The following KCNJ3 variants were observed in gnomAD, a reference collection of about 807,000 sequenced individuals.
KCNJ3 encodes potassium inwardly rectifying channel subfamily J member 3, also known as G protein-activated inward rectifier potassium channel 1.
A neutral mutation model predicts 39.2 loss-of-function variants in KCNJ3; 4 were observed. The observed-to-expected ratio is 0.10, with a 90% CI of 0.05 to 0.23. KCNJ3 has a LOEUF of 0.23. KCNJ3 is among the 10% of genes least tolerant of loss of function. The pLI is 1.00. For synonymous variants in KCNJ3, 230 were observed against 237.4 expected (o/e 0.97, Z 0.29); for missense variants, 276 against 634.9 (o/e 0.43, Z 6.08).
chr2:154,789,199 T>C (rs1686585277), intron 2 of KCNJ3, among the ~76,000 whole-genome samples: 1 of 152,082 alleles, frequency 6.6e-6, no homozygotes, highest in Non-Finnish European at 1.5e-5. Context: ...TTAGATTTTT[T>C]AATCAACAAA....
chr2:154,761,904 A>G (rs1400435174), intron 2 of KCNJ3, among the ~76,000 whole-genome samples: 1 of 152,206 alleles, frequency 6.6e-6, no homozygotes, highest in Non-Finnish European at 1.5e-5. Context: ...GAGACTTTGC[A>G]GATGTGGTTA....
intron 2 of KCNJ3, among the ~76,000 whole-genome samples, chr2:154,722,258 G>A (rs994776647): frequency 6.6e-6 from 1 of 152,050 alleles, no homozygotes; most frequent in African/African-American, 2.4e-5. Context: ...TGGTGAATAA[G>A]AAAGTCTAAG....
In KCNJ3 at chr2:154,856,997, T is replaced by C; in HGVS notation, c.*1684T>C. The C allele has an allele frequency of 6.6e-6, 1 of 152,208 alleles. No individual in the cohort carries two copies. The highest frequency in any genetic ancestry group is 1.9e-4 in the East Asian group (1 of 5,202). The allele number at this position is 152,208 out of a possible 1,614,324, so 9.4% of individuals were successfully genotyped here. On this transcript the variant is annotated 3_prime_UTR_variant, in exon 3 of 3. Coordinates refer to ENST00000295101, the MANE Select transcript of KCNJ3 (RefSeq NM_002239.4). The stretch of plus-strand genomic sequence containing the variant: ...TTTTTTAACAATTTTGTGATAATTT[T>C]ATTATTGGCAAATTAATACATCAAC...
chr2:154,836,808 C>T (rs1363695217), intron 2 of KCNJ3, among the ~76,000 whole-genome samples: 1 of 152,072 alleles, frequency 6.6e-6, no homozygotes, highest in East Asian at 1.9e-4. Context: ...TGCTGAATTG[C>T]AAATATTTAT....
intron 2 of KCNJ3, among the ~76,000 whole-genome samples, chr2:154,852,359 G>A (rs2105140979): frequency 6.6e-6 from 1 of 152,264 alleles, no homozygotes; most frequent in East Asian, 1.9e-4. Context: ...TGGTGCCACT[G>A]CACCGCAGCC....
chr2:154,725,289 AT>A (rs1293610818), intron 2 of KCNJ3, among the ~76,000 whole-genome samples: 3 of 136,042 alleles, frequency 2.2e-5, no homozygotes, highest in Non-Finnish European at 4.8e-5. Context: ...ACTACTTTCT[AT>A]TTTTTATATC....
chr2:154,855,143 A>C lies in KCNJ3; in HGVS notation c.1336A>C (p.Asn446His). 6.2e-7 allele frequency: 1 copy of C among 1,614,036 alleles called. No individual in the cohort carries two copies. The highest frequency in any genetic ancestry group is 1.7e-5 in the Admixed American group (1 of 59,996). ...TCAACGAATAAGTTCAGTTCCGGGC[A>C]ACTCAGAAGAAAAACTGGTATCTAA... The part of the protein sequence containing the change: ...KLQRISSVPG[N>H]SEEKLVSKTT... The change falls in exon 3 of 3, where the codon AAC becomes CAC. Residue 446 changes from asparagine (N) to histidine (H), a missense_variant. Asn to His is a moderately conservative substitution (Grantham distance 68, BLOSUM62 1). Around this residue, in one of 4 missense-constraint regions of KCNJ3, gnomAD observed 126 missense variants for 179.8 expected, o/e 0.70. Coordinates refer to ENST00000295101, the MANE Select transcript of KCNJ3 (RefSeq NM_002239.4).
At chr2:154,829,949 TA>T (rs1687336116) in intron 2 of KCNJ3, among the ~76,000 whole-genome samples, 1 of 152,172 alleles carries the variant, frequency 6.6e-6, no homozygotes, top group South Asian at 2.1e-4. Context: ...AAGTCCCAAA[TA>T]TTATTTATAA....
intron 2 of KCNJ3, among the ~76,000 whole-genome samples, chr2:154,729,159 T>G (rs1685410961): frequency 6.6e-6 from 1 of 152,140 alleles, no homozygotes; most frequent in Non-Finnish European, 1.5e-5. Flanking sequence ...ACCTTTTTAG[T>G]GAGTGCCAGA....
chr2:154,730,983 T>A (rs1685439901), intron 2 of KCNJ3, among the ~76,000 whole-genome samples: 1 of 152,302 alleles, frequency 6.6e-6, no homozygotes, highest in African/African-American at 2.4e-5. Flanking sequence ...ATAATTCATT[T>A]AGACTCTATG....
intron 2 of KCNJ3, among the ~76,000 whole-genome samples, chr2:154,845,834 G>A (rs1181093974): frequency 1.3e-5 from 2 of 152,114 alleles, no homozygotes; most frequent in Non-Finnish European, 2.9e-5. Flanking sequence ...AACTGGGCAT[G>A]TGGCATGTGC....
At chr2:154,770,569 T>A (rs2105195738) in intron 2 of KCNJ3, among the ~76,000 whole-genome samples, 1 of 152,326 alleles carries the variant, frequency 6.6e-6, no homozygotes, top group South Asian at 2.1e-4. Flanking sequence ...AAATGAGTTG[T>A]CCTCAGTCTA....
At chr2:154,802,385 G>T (rs1228917367) in intron 2 of KCNJ3, among the ~76,000 whole-genome samples, 1 of 151,920 alleles carries the variant, frequency 6.6e-6, no homozygotes, top group Non-Finnish European at 1.5e-5. Flanking sequence ...TGATATTATG[G>T]TCCCTGCCAT....
At chr2:154,799,929 A>G (rs1159683277) in intron 2 of KCNJ3, among the ~76,000 whole-genome samples, 1 of 152,174 alleles carries the variant, frequency 6.6e-6, no homozygotes, top group African/African-American at 2.4e-5. Flanking sequence ...TTAAGTGCAA[A>G]GGATAAGTAA....
chr2:154,788,754 AGTAT>A (rs1686577877), intron 2 of KCNJ3, among the ~76,000 whole-genome samples: 1 of 151,452 alleles, frequency 6.6e-6, no homozygotes, highest in East Asian at 1.9e-4. Context: ...GGAAAATATC[AGTAT>A]GTGAGTGTGA....
At chr2:154,709,021 T>C (rs1338516550) in intron 1 of KCNJ3, among the ~76,000 whole-genome samples, 1 of 152,236 alleles carries the variant, frequency 6.6e-6, no homozygotes, top group Non-Finnish European at 1.5e-5. Flanking sequence ...ATTTTTATTA[T>C]GTAAGCTCTT....
intron 2 of KCNJ3, among the ~76,000 whole-genome samples, chr2:154,805,980 T>C (rs1346757180): frequency 6.6e-6 from 1 of 152,168 alleles, no homozygotes; most frequent in Non-Finnish European, 1.5e-5. Context: ...CATATACTAG[T>C]TCAAGTCCGA....
At chr2:154,753,559 C>T (rs149314949) in intron 2 of KCNJ3, among the ~76,000 whole-genome samples, 11 of 152,094 alleles carry the variant, frequency 7.2e-5, no homozygotes, top group South Asian at 2.1e-4. Context: ...TTTTATGTTA[C>T]GATTTCGGAT....
chr2:154,803,701 TAAG>T (rs1686861167), intron 2 of KCNJ3, among the ~76,000 whole-genome samples: 1 of 151,970 alleles, frequency 6.6e-6, no homozygotes, highest in African/African-American at 2.4e-5. Flanking sequence ...GAAGTTGAAA[TAAG>T]AATAAAAATA....
Sources: gnomAD v4.1 joint callset for allele counts (sites outside exome capture counted in the v4.1 genomes callset) on GRCh38, gnomAD v4.1.1 for gene constraint, gnomAD v4.1.1 regional missense constraint, MANE v1.5 for transcripts, NCBI Gene and HGNC (gene_info 2026-07-23, HGNC 2026-07-21) for gene names.